The following SYN3 variants were observed in gnomAD, a reference collection of about 807,000 sequenced individuals.
SYN3 encodes synapsin III, also known as synapsin-3.
A neutral mutation model predicts 65.8 loss-of-function variants in SYN3; 35 were observed. The observed-to-expected ratio is 0.53, with a 90% CI of 0.41 to 0.70. The LOEUF is 0.70. SYN3 is among the 30% of genes least tolerant of loss of function. SYN3 has a pLI of 0.00. For missense variants in SYN3, 680 were observed against 749.0 expected (o/e 0.91, Z 1.08); for synonymous variants, 270 against 292.9 (o/e 0.92, Z 0.80).
intron 6 of SYN3, among the ~76,000 whole-genome samples, chr22:32,791,343 C>G (rs1160907739): frequency 1.3e-5 from 2 of 152,110 alleles, no homozygotes; most frequent in Non-Finnish European, 2.9e-5. Context: ...AGATAGGACT[C>G]AAATGTTCTG....
intron 4 of SYN3, among the ~76,000 whole-genome samples, chr22:32,889,871 G>T (rs1352227377): frequency 6.6e-6 from 1 of 151,780 alleles, no homozygotes; most frequent in Admixed American, 6.6e-5. Flanking sequence ...TTTACTTACT[G>T]AATCAAAGGC....
intron 6 of SYN3, among the ~76,000 whole-genome samples, chr22:32,637,630 C>CTTTTTTTTTT (rs1185407986): frequency 2.1e-5 from 2 of 93,562 alleles, no homozygotes; most frequent in Non-Finnish European, 2.0e-5. Flanking sequence ...TTTTCTTTTT[C>CTTTTTTTTTT]TTTTTTTTTT....
rs529959501 is a variant in SYN3, at chr22:32,997,561, T to C, written c.311+8791A>G. ...CTGCCCCCCTCACCTTTAAATGAGC[T>C]GACAGTCAACTCCTGCTCCTCGGCA... On this transcript the variant is annotated intron_variant, in intron 2 of 13. Coordinates refer to ENST00000358763, the MANE Select transcript of SYN3 (RefSeq NM_003490.4). Among the ~76,000 whole-genome samples the C allele has an allele frequency of 5.8e-4, 89 of 152,238 alleles. 1 individual carries two copies. Among genetic ancestry groups the C allele is most frequent in the Non-Finnish European group, 1.2e-3 (80 of 68,018 alleles).
At chr22:32,942,974 T>G (rs1271482248) in intron 3 of SYN3, among the ~76,000 whole-genome samples, 1 of 152,180 alleles carries the variant, frequency 6.6e-6, no homozygotes, top group East Asian at 1.9e-4. Context: ...GTCTGACTGG[T>G]GTACCTGAAA....
At chr22:32,688,335 G>C (rs1359384486) in intron 6 of SYN3, among the ~76,000 whole-genome samples, 1 of 152,158 alleles carries the variant, frequency 6.6e-6, no homozygotes, top group Non-Finnish European at 1.5e-5. Context: ...TACTGGCTGG[G>C]TGAACAGTTA....
intron 6 of SYN3, among the ~76,000 whole-genome samples, chr22:32,610,242 C>T (rs1409905915): frequency 6.6e-6 from 1 of 152,108 alleles, no homozygotes; most frequent in Non-Finnish European, 1.5e-5. Context: ...GATTGCACCG[C>T]TGCACTCCAG....
At chr22:32,878,263 C>T (rs2049032715) in intron 4 of SYN3, among the ~76,000 whole-genome samples, 1 of 152,164 alleles carries the variant, frequency 6.6e-6, no homozygotes, top group African/African-American at 2.4e-5. Flanking sequence ...AGGAACTGGG[C>T]GTATGTCACC....
intron 6 of SYN3, among the ~76,000 whole-genome samples, chr22:32,655,984 C>T (rs2060137117): frequency 6.6e-6 from 1 of 152,118 alleles, no homozygotes; most frequent in African/African-American, 2.4e-5. Flanking sequence ...ACTAATCTCC[C>T]TAAGCCCAGT....
chr22:32,622,743 A>G (rs927316301), intron 6 of SYN3, among the ~76,000 whole-genome samples: 2 of 151,858 alleles, frequency 1.3e-5, no homozygotes, highest in Non-Finnish European at 2.9e-5. Flanking sequence ...AAAAAAAAAA[A>G]AAGTTTCTCT....
intron 6 of SYN3, among the ~76,000 whole-genome samples, chr22:32,714,416 G>A (rs1406559677): frequency 6.6e-6 from 1 of 152,144 alleles, no homozygotes. Flanking sequence ...CCTGGCTGCA[G>A]GTTAGAATTG....
chr22:32,579,214 C>T (rs1601681057), intron 7 of SYN3, among the ~76,000 whole-genome samples: 1 of 152,292 alleles, frequency 6.6e-6, no homozygotes, highest in Admixed American at 6.5e-5. Flanking sequence ...TAACTCCAAA[C>T]AGCTTGGCAC....
chr22:33,040,904 T>C (rs1277050465), intron 1 of SYN3, among the ~76,000 whole-genome samples: 1 of 152,076 alleles, frequency 6.6e-6, no homozygotes, highest in Non-Finnish European at 1.5e-5. Flanking sequence ...CTTTATAAAT[T>C]GCCCAGTCTT....
chr22:32,736,657 C>A (rs902108682), intron 6 of SYN3, among the ~76,000 whole-genome samples: 2 of 152,052 alleles, frequency 1.3e-5, no homozygotes, highest in Non-Finnish European at 2.9e-5. Context: ...ACATTTGAAC[C>A]AAGACAATCT....
intron 6 of SYN3, among the ~76,000 whole-genome samples, chr22:32,850,045 C>T (rs2071947): frequency 0.19 from 28,397 of 150,392 alleles, 2,965 homozygotes; most frequent in East Asian, 0.4. Flanking sequence ...AACCTCATCC[C>T]AAGGCAGGAA....
intron 3 of SYN3, among the ~76,000 whole-genome samples, chr22:32,933,599 T>C (rs952496517): frequency 6.6e-6 from 1 of 151,970 alleles, no homozygotes; most frequent in African/African-American, 2.4e-5. Context: ...CAGCTAATTT[T>C]TGTTTGTTTG....
chr22:32,710,705 T>C (rs2060952032), intron 6 of SYN3, among the ~76,000 whole-genome samples: 1 of 151,884 alleles, frequency 6.6e-6, no homozygotes, highest in Non-Finnish European at 1.5e-5. Flanking sequence ...CCTTCTGCTC[T>C]GGCCATGTGA....
At chr22:32,919,180 G>C (rs563671754) in intron 4 of SYN3, among the ~76,000 whole-genome samples, 1 of 152,270 alleles carries the variant, frequency 6.6e-6, no homozygotes, top group Non-Finnish European at 1.5e-5. Context: ...AGTTGAGAGA[G>C]AGGGAAGCTC....
At chr22:32,705,999 A>G (rs978388642) in intron 6 of SYN3, among the ~76,000 whole-genome samples, 4 of 152,220 alleles carry the variant, frequency 2.6e-5, no homozygotes, top group East Asian at 1.9e-4. Context: ...AATCACATCA[A>G]TGGCAAACAG....
At chr22:32,772,050 G>C (rs2045783914) in intron 6 of SYN3, among the ~76,000 whole-genome samples, 1 of 152,012 alleles carries the variant, frequency 6.6e-6, no homozygotes, top group African/African-American at 2.4e-5. Context: ...AGAGAGGATG[G>C]GGCAAAACCC....
Sources: gnomAD v4.1 joint callset for allele counts (sites outside exome capture counted in the v4.1 genomes callset) on GRCh38, gnomAD v4.1.1 for gene constraint, MANE v1.5 for transcripts, NCBI Gene and HGNC (gene_info 2026-07-23, HGNC 2026-07-21) for gene names.